The following MGAT4C variants were observed in gnomAD, a reference collection of about 807,000 sequenced individuals.
The protein encoded by MGAT4C is MGAT4 family member C, also known as alpha-1,3-mannosyl-glycoprotein 4-beta-N-acetylglucosaminyltransferase C.
A neutral mutation model predicts 40.1 loss-of-function variants in MGAT4C; 19 were observed. The observed-to-expected ratio is 0.47, with a 90% CI of 0.33 to 0.70. The LOEUF is 0.70. MGAT4C is among the 30% of genes least tolerant of loss of function. MGAT4C has a pLI of 0.02. For missense variants in MGAT4C, 491 were observed against 563.2 expected, an observed-to-expected ratio of 0.87 and a Z score of 1.30; for synonymous variants, 181 against 187.1, an observed-to-expected ratio of 0.97 and a Z score of 0.27.
chr12:86,329,260 T>C (rs996558946), intron 4 of MGAT4C, among the ~76,000 whole-genome samples: 1 of 150,214 alleles, frequency 6.7e-6, no homozygotes, highest in Non-Finnish European at 1.5e-5. Flanking sequence ...ATAGAAAAAT[T>C]TGGCCGGGCG....
At chr12:86,403,959 T>C (rs1206756238) in intron 3 of MGAT4C, among the ~76,000 whole-genome samples, 2 of 152,212 alleles carry the variant, frequency 1.3e-5, no homozygotes. Context: ...CTGGAAGAAC[T>C]TGGATTGTGT....
chr12:86,522,230 G>T (rs1958807282), intron 2 of MGAT4C, among the ~76,000 whole-genome samples: 1 of 152,062 alleles, frequency 6.6e-6, no homozygotes, highest in Admixed American at 6.6e-5. Flanking sequence ...TATGATGTTG[G>T]CTGTGGGCTT....
chr12:86,116,703 C>T (rs1345929397), intron 1 of MGAT4C, among the ~76,000 whole-genome samples: 1 of 151,972 alleles, frequency 6.6e-6, no homozygotes, highest in Non-Finnish European at 1.5e-5. Flanking sequence ...TCAAGTTGAG[C>T]AAGATGGGGG....
intron 2 of MGAT4C, among the ~76,000 whole-genome samples, chr12:86,594,261 G>A (rs1593023645): frequency 6.6e-6 from 1 of 152,124 alleles, no homozygotes; most frequent in Non-Finnish European, 1.5e-5. Flanking sequence ...GAGGGAAAGG[G>A]AACTCCATAT....
At chr12:86,232,579 G>A (rs542026751) in intron 1 of MGAT4C, among the ~76,000 whole-genome samples, 40 of 152,244 alleles carry the variant, frequency 2.6e-4, no homozygotes, top group African/African-American at 8.4e-4. Context: ...AACCTAACTC[G>A]GAGGGTTATG....
Position 86,508,162 on chromosome 12 carries a change from C to G in MGAT4C, c.-228-72897G>C, listed in dbSNP as rs567246179. On this transcript the variant is annotated intron_variant, in intron 2 of 7. Transcript: ENST00000548651. The stretch of plus-strand genomic sequence containing the variant: ...CATGCTGGTGCGCTGCACCCACTAA[C>G]TCGTCATCTAGCATTAGGTATATCT... Among the ~76,000 whole-genome samples the G allele has an allele frequency of 8.5e-5, 13 of 152,228 alleles. No individual in the cohort carries two copies. The East Asian group carries it at 2.5e-3, about 29-fold the overall frequency.
intron 1 of MGAT4C, among the ~76,000 whole-genome samples, chr12:86,819,279 A>G (rs2136224954): frequency 6.6e-6 from 1 of 151,076 alleles, no homozygotes; most frequent in Admixed American, 6.6e-5. Context: ...CCTCACAGCT[A>G]GTAAGTGGTT....
intron 1 of MGAT4C, among the ~76,000 whole-genome samples, chr12:86,184,966 G>A (rs984688527): frequency 6.6e-6 from 1 of 152,134 alleles, no homozygotes. Flanking sequence ...AACGCTGTAA[G>A]GAAAGTCACT....
At chr12:86,540,301 AG>A (rs1423181973) in intron 2 of MGAT4C, among the ~76,000 whole-genome samples, 1 of 152,200 alleles carries the variant, frequency 6.6e-6, no homozygotes, top group African/African-American at 2.4e-5. Context: ...CAAAATGTTG[AG>A]AGACTGAGGA....
intron 2 of MGAT4C, among the ~76,000 whole-genome samples, chr12:86,673,918 A>C (rs999636176): frequency 1.7e-4 from 26 of 152,024 alleles, no homozygotes; most frequent in African/African-American, 4.8e-4. Flanking sequence ...GTTACTCTTC[A>C]TCTTATTTAA....
chr12:86,675,892 C>A (rs1964382236), intron 2 of MGAT4C, among the ~76,000 whole-genome samples: 1 of 151,426 alleles, frequency 6.6e-6, no homozygotes, highest in Admixed American at 6.6e-5. Context: ...AAAATATAGT[C>A]ACCCTAACCA....
intron 1 of MGAT4C, among the ~76,000 whole-genome samples, chr12:86,734,249 A>G (rs1393797066): frequency 2.0e-5 from 3 of 152,126 alleles, no homozygotes; most frequent in African/African-American, 7.2e-5. Flanking sequence ...TTAGGTCGAG[A>G]CAAAGCATGC....
At position 85,957,338 on chromosome 12, in the gene MGAT4C, A is replaced by G. The variant is rs1301246687; in HGVS notation, c.*21951T>C. The G allele has an allele frequency of 6.6e-6, 1 of 152,192 alleles. No homozygotes were observed. Among genetic ancestry groups the G allele is most frequent in the African/African-American group, 2.4e-5 (1 of 41,458 alleles). The allele number at this position is 152,192 out of a possible 1,614,324, so 9.4% of individuals were successfully genotyped here. On this transcript the variant is annotated 3_prime_UTR_variant, in exon 5 of 5. Coordinates refer to ENST00000611864, the MANE Select transcript of MGAT4C (RefSeq NM_001351288.2). ...AGGTCATCTCATATTATTTATTGCA[A>G]AAATCCCAGAAATTAATTATATTTG...
chr12:86,806,110 A>G (rs895259501), intron 1 of MGAT4C, among the ~76,000 whole-genome samples: 2 of 151,886 alleles, frequency 1.3e-5, no homozygotes, highest in African/African-American at 4.8e-5. Flanking sequence ...TTTGTAAAAA[A>G]AAACCTTTTT....
chr12:86,165,683 G>T (rs1886109417), intron 1 of MGAT4C, among the ~76,000 whole-genome samples: 1 of 152,042 alleles, frequency 6.6e-6, no homozygotes. Flanking sequence ...AATTTTAACT[G>T]AAATCAATTT....
chr12:86,175,680 G>A (rs1887331330), intron 1 of MGAT4C, among the ~76,000 whole-genome samples: 1 of 151,648 alleles, frequency 6.6e-6, no homozygotes, highest in East Asian at 1.9e-4. Context: ...GGCTGGGTGC[G>A]GTGGTTCATG....
chr12:86,594,428 A>G (rs1961452246), intron 2 of MGAT4C, among the ~76,000 whole-genome samples: 2 of 152,190 alleles, frequency 1.3e-5, no homozygotes, highest in Admixed American at 1.3e-4. Flanking sequence ...AATACTCACC[A>G]GTTTCGCTGG....
intron 2 of MGAT4C, among the ~76,000 whole-genome samples, chr12:86,491,496 C>A (rs1448785969): frequency 2.0e-5 from 3 of 151,856 alleles, no homozygotes; most frequent in Non-Finnish European, 4.4e-5. Context: ...TCAATATACG[C>A]AAATCAATAA....
intron 2 of MGAT4C, among the ~76,000 whole-genome samples, chr12:85,995,968 G>A (rs1268161489): frequency 6.6e-6 from 1 of 152,136 alleles, no homozygotes; most frequent in African/African-American, 2.4e-5. Flanking sequence ...TTAACAACAA[G>A]CATCAACAGC....
Sources: gnomAD v4.1 joint callset for allele counts (sites outside exome capture counted in the v4.1 genomes callset) on GRCh38, gnomAD v4.1.1 for gene constraint, MANE v1.5 for transcripts, NCBI Gene and HGNC (gene_info 2026-07-23, HGNC 2026-07-21) for gene names.